The following STK31 variants were observed in gnomAD, a reference collection of about 807,000 sequenced individuals.
STK31 encodes the protein serine/threonine-protein kinase 31.
Under a neutral mutation model 129.7 loss-of-function variants are expected in STK31, and 89 were observed. That is an observed-to-expected ratio of 0.69 (90% CI 0.58 to 0.82). The LOEUF is 0.82. Ranked by LOEUF, STK31 falls within the 40% of genes least tolerant of loss-of-function variation. The probability of loss-of-function intolerance (pLI) is 0.00; values close to 1 mark genes in which losing one functional copy is unlikely to be tolerated. For missense variants in STK31, 1,187 were observed against 1,176.4 expected (o/e 1.01, Z -0.13); for synonymous variants, 448 against 395.3 (o/e 1.13, Z -1.58).
At chr7:23,727,861 G>A (rs10231712) in intron 5 of STK31, among the ~76,000 whole-genome samples, 138,836 of 151,984 alleles carry the variant, frequency 0.91, 64,229 homozygotes, top group East Asian at 1. Context: ...TGCCCAGCCT[G>A]CCTCAGATCT....
Position 23,788,023 on chromosome 7 carries a change from C to T in STK31, c.2531C>T (p.Thr844Ile), listed in dbSNP as rs778224788. 4 of 1,609,882 alleles carry T rather than the reference C, an allele frequency of 2.5e-6. No individual in the cohort carries two copies. In the South Asian group the frequency reaches 3.3e-5, roughly 13 times the overall value. The part of the protein sequence containing the change: ...VMKGVAQGLH[T>I]LHKADIIHGS... ...AAAGGTGTTGCCCAGGGTCTGCATA[C>T]ATTGCATAAGGCTGACATAATTCAT... The change falls in exon 21 of 24, where the codon ACA becomes ATA. Residue 844 changes from threonine (T) to isoleucine (I), a missense_variant. This residue lies in a region of STK31 where 975 missense variants were observed against 934.9 expected (regional missense o/e 1.04). Coordinates refer to ENST00000355870, the MANE Select transcript of STK31 (RefSeq NM_031414.5).
intron 6 of STK31, among the ~76,000 whole-genome samples, chr7:23,730,136 A>G (rs193200705): frequency 2.0e-3 from 304 of 152,298 alleles, no homozygotes; most frequent in African/African-American, 7.0e-3. Context: ...CTCTTTTAAA[A>G]TCTGTTATAC....
At chr7:23,721,622 C>T (rs1301104908) in intron 4 of STK31, 13 of 898,960 alleles carry the variant, frequency 1.4e-5, no homozygotes, top group East Asian at 2.4e-5. Context: ...TCTAAGTGTG[C>T]GTCGAATGTA....
intron 22 of STK31, among the ~76,000 whole-genome samples, chr7:23,813,053 T>C (rs1212887959): frequency 6.7e-6 from 1 of 149,446 alleles, no homozygotes; most frequent in African/African-American, 2.4e-5. Context: ...TGTTATTGTC[T>C]CACAGGTCCT....
In STK31 at chr7:23,735,698, C is replaced by T; in HGVS notation, c.644C>T (p.Ala215Val). 1 of 1,614,034 alleles carries T rather than the reference C, an allele frequency of 6.2e-7. No individual in the cohort carries two copies. The highest frequency in any genetic ancestry group is 8.5e-7 in the Non-Finnish European group (1 of 1,180,026). Residue 215 changes from alanine to valine, a missense_variant, in exon 7 of 24, where the codon GCT becomes GTT. Physicochemically the swap from Ala to Val is moderately conservative, Grantham distance 64. Around this residue, in one of 5 missense-constraint regions of STK31, gnomAD observed 975 missense variants for 934.9 expected, o/e 1.04. Transcript: ENST00000355870. ...KKGFAEKCRL[A>V]SRTDICEEKK... ...GGATTTGCAGAGAAATGCAGACTTG[C>T]TTCCAGAACTGACATCTGTGAGGAA...
At chr7:23,731,617 T>C (rs181634442) in intron 6 of STK31, among the ~76,000 whole-genome samples, 315 of 152,302 alleles carry the variant, frequency 2.1e-3, no homozygotes, top group Non-Finnish European at 3.2e-3. Context: ...GAAGGTGTCC[T>C]GGGCACTGAA....
rs3034044 is a variant in STK31, at chr7:23,819,420, CTTT to C, written c.2829+4221_2829+4223del. On this transcript the variant is annotated intron_variant, in intron 23 of 23. Transcript: ENST00000355870. ...TAGCAGTAAACAGATGATTTCTTTC[CTTT>C]TTTTTTTTTTTTGAGACAGTCTTGC... Among the ~76,000 whole-genome samples the C allele has an allele frequency of 1.0e-3, 151 of 144,836 alleles. 1 individual carries two copies. The highest frequency in any genetic ancestry group is 1.8e-3 in the South Asian group (8 of 4,556).
At chr7:23,827,758 A>G (rs1470644598) in intron 23 of STK31, among the ~76,000 whole-genome samples, 1 of 152,122 alleles carries the variant, frequency 6.6e-6, no homozygotes, top group African/African-American at 2.4e-5. Flanking sequence ...ATGGTGACGT[A>G]CAGATGGGTT....
chr7:23,808,973 C>CTGTGTG (rs1792913124), intron 22 of STK31, among the ~76,000 whole-genome samples: 1 of 28,590 alleles, frequency 3.5e-5, no homozygotes, highest in African/African-American at 1.1e-4. Flanking sequence ...GTGTGTGTGC[C>CTGTGTG]TGTGTCTGTT....
At chr7:23,748,532 C>T (rs914020815) in intron 8 of STK31, among the ~76,000 whole-genome samples, 2 of 152,164 alleles carry the variant, frequency 1.3e-5, no homozygotes, top group Non-Finnish European at 2.9e-5. Flanking sequence ...GCCTCTCCAG[C>T]CTCCCCTTCC....
chr7:23,756,712 T>C (rs947934522), intron 10 of STK31, among the ~76,000 whole-genome samples: 2 of 152,208 alleles, frequency 1.3e-5, no homozygotes, highest in African/African-American at 4.8e-5. Flanking sequence ...GCATGTTGAA[T>C]TTTATCGAAG....
chr7:23,776,010 C>G (rs1790515369), intron 15 of STK31, among the ~76,000 whole-genome samples: 1 of 152,068 alleles, frequency 6.6e-6, no homozygotes, highest in African/African-American at 2.4e-5. Context: ...TCCATCAGTA[C>G]CTAGTTAGTT....
At chr7:23,803,853 A>G (rs1207510587) in intron 22 of STK31, among the ~76,000 whole-genome samples, 1 of 152,164 alleles carries the variant, frequency 6.6e-6, no homozygotes, top group Non-Finnish European at 1.5e-5. Flanking sequence ...ACTGAAATAC[A>G]TGGACTATAG....
intron 8 of STK31, among the ~76,000 whole-genome samples, chr7:23,750,446 A>G (rs750402947): frequency 6.6e-5 from 10 of 152,104 alleles, no homozygotes; most frequent in African/African-American, 9.7e-5. Context: ...CAGCTTTTTA[A>G]TATGTGTTAG....
intron 22 of STK31, among the ~76,000 whole-genome samples, chr7:23,814,143 T>C (rs1371461369): frequency 3.6e-5 from 5 of 137,770 alleles, no homozygotes; most frequent in Non-Finnish European, 7.7e-5. Flanking sequence ...CAGATCTGGC[T>C]CACTTATTTT....
chr7:23,736,928 T>C lies in STK31; in HGVS notation c.867T>C (p.Phe289=). 1 of 1,604,170 alleles carries C rather than the reference T, an allele frequency of 6.2e-7. No homozygotes were observed. Among genetic ancestry groups the C allele is most frequent in the South Asian group, 1.1e-5 (1 of 88,728 alleles). Residue 289 remains phenylalanine (F), a synonymous_variant, in exon 8 of 24, where the codon TTT becomes TTC. Coordinates refer to ENST00000355870, the MANE Select transcript of STK31 (RefSeq NM_031414.5). ...GGGAAAGTTTGGCTGTTGGTGACTTTAATTTAGGGTCTAACGTCAGCCTGG... is the reference window on the plus strand; with the variant it reads ...GGGAAAGTTTGGCTGTTGGTGACTTCAATTTAGGGTCTAACGTCAGCCTGG... The part of the protein sequence containing the change: ...FPKESLAVGD[F]NLGSNVSLEK...
At chr7:23,717,088 C>T (rs1385084303) in intron 3 of STK31, among the ~76,000 whole-genome samples, 12 of 97,406 alleles carry the variant, frequency 1.2e-4, no homozygotes, top group African/African-American at 1.5e-4. Context: ...TGTGAGCCAT[C>T]GCAACCTGCT....
chr7:23,796,482 C>A (rs1466185370), intron 22 of STK31, among the ~76,000 whole-genome samples: 1 of 151,630 alleles, frequency 6.6e-6, no homozygotes, highest in Non-Finnish European at 1.5e-5. Flanking sequence ...GTCTGATTTT[C>A]TACTCTTATG....
At chr7:23,755,192 A>T (rs1788990695) in intron 10 of STK31, 1 of 152,174 alleles carries the variant, frequency 6.6e-6, no homozygotes, top group South Asian at 2.1e-4. Context: ...TCGTCATTCT[A>T]ACTGGTATGA....
Sources: gnomAD v4.1 joint callset for allele counts (sites outside exome capture counted in the v4.1 genomes callset) on GRCh38, gnomAD v4.1.1 for gene constraint, gnomAD v4.1.1 regional missense constraint, MANE v1.5 for transcripts, NCBI Gene and HGNC (gene_info 2026-07-23, HGNC 2026-07-21) for gene names.